The following ASMT variants were observed in gnomAD, a reference collection of about 807,000 sequenced individuals.
ASMT encodes acetylserotonin O-methyltransferase.
Under a neutral mutation model 41.3 loss-of-function variants are expected in ASMT, and 53 were observed. The observed-to-expected ratio is 1.28, with a 90% confidence interval of 1.03 to 1.61. ASMT has a LOEUF of 1.61. Ranked by LOEUF, ASMT falls within the 40% of genes most tolerant of loss-of-function variation. ASMT has a pLI of 0.00. For missense variants in ASMT, 531 were observed against 441.3 expected (o/e 1.20, Z -1.82); for synonymous variants, 231 against 184.8 (o/e 1.25, Z -2.03).
intron 1 of ASMT, 78 bp from the exon 2 acceptor site, chrX:1,623,061 C>T: frequency 6.9e-7 from 1 of 1,439,894 alleles, no homozygotes; most frequent in Non-Finnish European, 9.8e-7. Flanking sequence ...CCCTAGCCTG[C>T]CATGGTATGG....
intron 3 of ASMT, 65 bp from the exon 4 acceptor site, chrX:1,627,638 T>C (rs768890772): frequency 1.8e-4 from 73 of 408,414 alleles, no homozygotes; most frequent in Non-Finnish European, 2.3e-4. Context: ...TGAAACGAAA[T>C]GAAATGAAAT....
chrX:1,627,199 G>A (rs1934581791), intron 3 of ASMT, among the ~76,000 whole-genome samples: 1 of 151,002 alleles, frequency 6.6e-6, no homozygotes, highest in South Asian at 2.1e-4. Flanking sequence ...GGTGGCAGGT[G>A]CCTGTAATCC....
chrX:1,625,265 C>T (rs1167531977), intron 3 of ASMT, among the ~76,000 whole-genome samples: 2 of 151,618 alleles, frequency 1.3e-5, no homozygotes, highest in Non-Finnish European at 2.9e-5. Flanking sequence ...CCACCACACC[C>T]GACTAATTTT....
intron 4 of ASMT, among the ~76,000 whole-genome samples, chrX:1,628,740 T>C (rs1462955399): frequency 6.6e-6 from 1 of 150,842 alleles, no homozygotes. Flanking sequence ...ATCTTCCCTC[T>C]CTTGTCTCCT....
Position 1,622,921 on chromosome X carries a change from A to T in ASMT, c.70-218A>T, listed in dbSNP as rs149158294. 0.011 allele frequency among the ~76,000 whole-genome samples: 1,709 copies of T among 151,912 alleles called. 58 individuals are homozygous for T. In the South Asian group the frequency reaches 0.11, roughly 10 times the overall value. The stretch of plus-strand genomic sequence containing the variant: ...AGTGAGACTTCAACTCAAAATAAAT[A>T]AATTAATTAATTAATAAAAATAAAT... On this transcript the variant is annotated intron_variant, in intron 1 of 8. Coordinates refer to ENST00000381241, the MANE Select transcript of ASMT (RefSeq NM_001171038.2).
chrX:1,624,784 C>A (rs1433961788), intron 3 of ASMT, among the ~76,000 whole-genome samples: 8 of 67,096 alleles, frequency 1.2e-4, no homozygotes, highest in African/African-American at 3.5e-4. Flanking sequence ...GGGGCTGACC[C>A]CAGGCAGATG....
intron 1 of ASMT, among the ~76,000 whole-genome samples, chrX:1,617,861 T>A (rs1934196690): frequency 6.6e-6 from 1 of 152,100 alleles, no homozygotes; most frequent in Non-Finnish European, 1.5e-5. Flanking sequence ...GTGATCCTCC[T>A]GGCCCCCACA....
intron 7 of ASMT, among the ~76,000 whole-genome samples, chrX:1,635,166 G>A (rs1423764956): frequency 1.3e-4 from 17 of 134,576 alleles, no homozygotes; most frequent in African/African-American, 4.4e-4. Flanking sequence ...TTGTATTTTT[G>A]GTAGAGATGG....
At position 1,642,987 on chromosome X, in the gene ASMT, T is replaced by A. The variant is rs1569389476; in HGVS notation, c.1095T>A (p.Ile365=). 2 of 1,613,980 alleles carry A rather than the reference T, an allele frequency of 1.2e-6. No homozygotes were observed. The highest frequency in any genetic ancestry group is 1.7e-6 in the Non-Finnish European group (2 of 1,179,868). Residue 365 remains isoleucine, a synonymous_variant, in exon 9 of 9, where the codon ATT becomes ATA. Coordinates refer to ENST00000381241, the MANE Select transcript of ASMT (RefSeq NM_001171038.2). ...RDFQFKKTGA[I]YDAILARK is the part of the protein sequence containing the mutation. ...TCCAGTTTAAGAAAACAGGAGCCAT[T>A]TATGATGCCATTTTAGCCAGGAAAT...
intron 3 of ASMT, 117 bp downstream of exon 3, chrX:1,624,515 G>A (rs1209241560): frequency 7.0e-7 from 1 of 1,436,350 alleles, no homozygotes; most frequent in African/African-American, 1.6e-5. Flanking sequence ...CCAGGCAGAT[G>A]CTGGGAGGTG....
chrX:1,623,421 C>A (rs1934409753), intron 2 of ASMT, 108 bp downstream of exon 2: 2 of 1,375,438 alleles, frequency 1.5e-6, no homozygotes, highest in South Asian at 1.2e-5. Context: ...ACAGTGAAAC[C>A]CCGTCTCTAC....
At position 1,627,798 on chromosome X, in the gene ASMT, A is replaced by T. The variant is rs778216246; in HGVS notation, c.443+27A>T. 12 of 1,601,970 alleles carry T rather than the reference A, an allele frequency of 7.5e-6. No individual in the cohort carries two copies. In the African/African-American group the frequency reaches 9.4e-5, roughly 13 times the overall value. Reference sequence around the variant, plus strand: ...TAACACCCATCACTTTGAAACCAACAACTCAGATAAGATTCTGTTTATTTT... The same window carrying T: ...TAACACCCATCACTTTGAAACCAACTACTCAGATAAGATTCTGTTTATTTT... On this transcript the variant is annotated intron_variant, in intron 4 of 8. Coordinates refer to ENST00000381241, the MANE Select transcript of ASMT (RefSeq NM_001171038.2).
At chrX:1,636,765 GTGAAAGGCCCTC>G (rs1285979105) in intron 8 of ASMT, 3 of 302,448 alleles carry the variant, frequency 9.9e-6, no homozygotes, top group Non-Finnish European at 1.5e-5. Context: ...GATGGAAAAA[GTGAAAGGCCCTC>G]TGAAACTTCA....
At chrX:1,642,757 G>C (rs764280515) in intron 8 of ASMT, 46 bp from the exon 9 acceptor site, 3 of 1,568,274 alleles carry the variant, frequency 1.9e-6, no homozygotes, top group Non-Finnish European at 2.6e-6. Flanking sequence ...GGCACAGTCT[G>C]TCTGTGTGTT....
intron 4 of ASMT, 193 bp downstream of exon 4, chrX:1,627,964 G>A: frequency 7.6e-6 from 5 of 654,554 alleles, no homozygotes; most frequent in Non-Finnish European, 1.1e-5. Flanking sequence ...TCAAATTCCT[G>A]AGGAGGTGCA....
chrX:1,627,648 TGAAATGA>T (rs1238285021), intron 3 of ASMT, 48 bp from the exon 4 acceptor site: 19 of 848,610 alleles, frequency 2.2e-5, no homozygotes, highest in African/African-American at 1.3e-4. Flanking sequence ...TGAAATGAAA[TGAAATGA>T]AATGAAATGA....
chrX:1,641,373 A>G (rs6644791), intron 8 of ASMT, among the ~76,000 whole-genome samples: 30,246 of 71,918 alleles, frequency 0.42, 9,573 homozygotes, highest in East Asian at 0.85. Flanking sequence ...GATAGGGACC[A>G]TGTCCCAGTG....
intron 5 of ASMT, among the ~76,000 whole-genome samples, chrX:1,631,904 C>A (rs771833979): frequency 6.6e-6 from 1 of 152,038 alleles, no homozygotes; most frequent in East Asian, 1.9e-4. Flanking sequence ...AAAAACTTAG[C>A]CAGGCATGAC....
At chrX:1,619,579 AATAATAAT>A (rs1934264756) in intron 1 of ASMT, among the ~76,000 whole-genome samples, 1 of 145,456 alleles carries the variant, frequency 6.9e-6, no homozygotes, top group African/African-American at 2.6e-5. Flanking sequence ...TAATAATAAT[AATAATAAT>A]AAAAAGTCTT....
Sources: allele counts gnomAD v4.1 joint callset (sites outside exome capture counted in the v4.1 genomes callset), GRCh38; gene constraint gnomAD v4.1.1; transcripts MANE v1.5; gene names NCBI Gene and HGNC (gene_info 2026-07-23, HGNC 2026-07-21).